TNFSF12: variants seen among roughly 807,000 people sequenced by gnomAD.
The protein encoded by TNFSF12 is tumor necrosis factor ligand superfamily member 12.
A neutral mutation model predicts 31.2 loss-of-function variants in TNFSF12; 16 were observed. That is an observed-to-expected ratio of 0.51 (90% CI 0.35 to 0.78). The LOEUF is 0.78. TNFSF12 is among the 30% of genes least tolerant of loss of function. The pLI is 0.01. For missense variants in TNFSF12, 324 were observed against 338.8 expected, an observed-to-expected ratio of 0.96 and a Z score of 0.34; for synonymous variants, 150 against 151.4, an observed-to-expected ratio of 0.99 and a Z score of 0.07.
chr17:7,549,186 GCGC>G lies in TNFSF12; in HGVS notation c.36_38del (p.Arg13del). 7.7e-7 allele frequency: 1 copy of G among 1,303,768 alleles called. No homozygotes were observed. Among genetic ancestry groups the G allele is most frequent in the African/African-American group, 1.5e-5 (1 of 64,814 alleles). The allele number at this position is 1,303,768 out of a possible 1,614,324, so 80.8% of individuals were successfully genotyped here. ...CCCGTCGGAGCCAGAGGCGGAGGGGGCGCCGGGGGGAGCCGGGCACCGCCCTGC... is the reference window on the plus strand; with the variant it reads ...CCCGTCGGAGCCAGAGGCGGAGGGGGCGGGGGGAGCCGGGCACCGCCCTGC... On this transcript the variant is annotated inframe_deletion, in exon 1 of 7. Coordinates refer to ENST00000293825, the MANE Select transcript of TNFSF12 (RefSeq NM_003809.3). This position sits in a 1 kb window ranked among gnomAD's most constrained non-coding sequence, Gnocchi z 4.1.
In TNFSF12 at chr17:7,550,818, A is replaced by G; in HGVS notation, c.303A>G (p.Thr101=). ...CCTCAGCACCTAAAGGCCGGAAAAC[A>G]CGGGCTCGAAGAGCGATCGCAGCCC... ...PRRSAPKGRK[T]RARRAIAAHY... Residue 101 remains threonine, a synonymous_variant, in exon 4 of 7, where the codon ACA becomes ACG. Transcript: ENST00000293825. The surrounding 1 kb of genome is among the most constrained non-coding windows in gnomAD (Gnocchi z 4.4). The G allele has an allele frequency of 6.2e-7, 1 of 1,611,814 alleles. No homozygotes were observed. The highest frequency in any genetic ancestry group is 8.5e-7 in the Non-Finnish European group (1 of 1,178,138).
In TNFSF12 at chr17:7,557,765, G is replaced by T; in HGVS notation, c.*415G>T. The T allele has an allele frequency of 5.6e-6, 1 of 178,904 alleles. No individual in the cohort carries two copies. The highest frequency in any genetic ancestry group is 1.2e-5 in the Non-Finnish European group (1 of 85,956). The allele number at this position is 178,904 out of a possible 1,614,324, so 11.1% of individuals were successfully genotyped here. Reference sequence around the variant, plus strand: ...GGGCCTAGGCCAGGAGTTCCCAAATGTGAGGGGCGAGAAACAAGACAAGCT... The same window carrying T: ...GGGCCTAGGCCAGGAGTTCCCAAATTTGAGGGGCGAGAAACAAGACAAGCT... On this transcript the variant is annotated 3_prime_UTR_variant, in exon 7 of 7. Transcript: ENST00000293825. This position sits in a 1 kb window ranked among gnomAD's most constrained non-coding sequence, Gnocchi z 5.2.
rs1463259779 is a variant in TNFSF12, at chr17:7,550,838, C to T, written c.323C>T (p.Ala108Val). The change falls in exon 4 of 7, where the codon GCA (alanine) becomes GTA (valine). Residue 108 changes from alanine (A) to valine (V), a missense_variant. Physicochemically the swap from Ala to Val is moderately conservative, Grantham distance 64. Transcript: ENST00000293825. This position sits in a 1 kb window ranked among gnomAD's most constrained non-coding sequence, Gnocchi z 4.4. ...GRKTRARRAI[A>V]AHYEVHPRPG... is the part of the protein sequence containing the mutation. The stretch of plus-strand genomic sequence containing the variant: ...AAAACACGGGCTCGAAGAGCGATCG[C>T]AGCCCATTATGAAGGTGGGTGATGG... The T allele has an allele frequency of 8.7e-6, 14 of 1,612,730 alleles. No homozygotes were observed. The highest frequency in any genetic ancestry group is 2.2e-5 in the South Asian group (2 of 91,040).
intron 5 of TNFSF12, among the ~76,000 whole-genome samples, chr17:7,554,471 G>T (rs373834499): frequency 6.6e-6 from 1 of 151,016 alleles, no homozygotes; most frequent in Non-Finnish European, 1.5e-5. Context: ...CCGCCACCAC[G>T]CCTGGCTAAT....
Position 7,549,727 on chromosome 17 carries a change from C to T in TNFSF12, c.207+206C>T. 1 of 847,106 alleles carries T rather than the reference C, an allele frequency of 1.2e-6. No individual in the cohort carries two copies. Among genetic ancestry groups the T allele is most frequent in the African/African-American group, 1.7e-5 (1 of 58,748 alleles). The allele number at this position is 847,106 out of a possible 1,614,324, so 52.5% of individuals were successfully genotyped here. A position where few individuals can be genotyped will look rare whatever the true frequency, so the allele number is the denominator to read the frequency against. On this transcript the variant is annotated intron_variant, in intron 2 of 6. Coordinates refer to ENST00000293825, the MANE Select transcript of TNFSF12 (RefSeq NM_003809.3). This position sits in a 1 kb window ranked among gnomAD's most constrained non-coding sequence, Gnocchi z 4.1. Reference sequence around the variant, plus strand: ...AGGGGTTTGTGCTGGGGTTGTGCCACCTGAGTCTGAGGTGTTTATTGGCTG... The same window carrying T: ...AGGGGTTTGTGCTGGGGTTGTGCCATCTGAGTCTGAGGTGTTTATTGGCTG...
intron 5 of TNFSF12, among the ~76,000 whole-genome samples, chr17:7,551,854 C>T (rs979805529): frequency 3.9e-5 from 6 of 152,298 alleles, no homozygotes; most frequent in Admixed American, 3.3e-4. Flanking sequence ...GTGGTGCAAT[C>T]TCGGCTTACT....
Position 7,550,740 on chromosome 17 carries a change from G to C in TNFSF12, c.284-59G>C. On this transcript the variant is annotated intron_variant, in intron 3 of 6. Transcript: ENST00000293825. The surrounding 1 kb of genome is among the most constrained non-coding windows in gnomAD (Gnocchi z 4.4). ...CTGAGAGGGGAATGGGGCTGGGAGAGTTGCTCTGGGACCCCCACTAGGGCC... is the reference window on the plus strand; with the variant it reads ...CTGAGAGGGGAATGGGGCTGGGAGACTTGCTCTGGGACCCCCACTAGGGCC... 6.3e-7 allele frequency: 1 copy of C among 1,581,688 alleles called. No homozygotes were observed. The highest frequency in any genetic ancestry group is 8.6e-7 in the Non-Finnish European group (1 of 1,156,204).
intron 5 of TNFSF12, among the ~76,000 whole-genome samples, chr17:7,553,344 C>T (rs529477107): frequency 1.3e-5 from 2 of 152,058 alleles, no homozygotes; most frequent in South Asian, 4.1e-4. Flanking sequence ...CCACTGCACC[C>T]GGCCTAGGAC....
chr17:7,555,089 G>A (rs939294234), intron 5 of TNFSF12, among the ~76,000 whole-genome samples: 1 of 152,018 alleles, frequency 6.6e-6, no homozygotes, highest in African/African-American at 2.4e-5. Flanking sequence ...GGAGGCTGCA[G>A]TGAGCCGAGA....
Position 7,549,091 on chromosome 17 carries a change from C to G in TNFSF12, c.-63C>G. ...GGCCCGATCCGCCCGCCGGCTCCCCCTCCCCCGATCCCTCGGGTCCCGGGA... is the reference window on the plus strand; with the variant it reads ...GGCCCGATCCGCCCGCCGGCTCCCCGTCCCCCGATCCCTCGGGTCCCGGGA... On this transcript the variant is annotated 5_prime_UTR_variant, in exon 1 of 7. Coordinates refer to ENST00000293825, the MANE Select transcript of TNFSF12 (RefSeq NM_003809.3). This position sits in a 1 kb window ranked among gnomAD's most constrained non-coding sequence, Gnocchi z 4.1. 1 of 1,229,882 alleles carries G rather than the reference C, an allele frequency of 8.1e-7. No individual in the cohort carries two copies. Among genetic ancestry groups the G allele is most frequent in the Non-Finnish European group, 1.0e-6 (1 of 984,996 alleles). The allele number at this position is 1,229,882 out of a possible 1,614,324, so 76.2% of individuals were successfully genotyped here. A position where few individuals can be genotyped will look rare whatever the true frequency, so the allele number is the denominator to read the frequency against.
chr17:7,549,333 C>A lies in TNFSF12; in HGVS notation c.159+21C>A, dbSNP rs1340711331. The A allele has an allele frequency of 2.1e-6, 3 of 1,399,678 alleles. No individual in the cohort carries two copies. The highest frequency in any genetic ancestry group is 1.9e-6 in the Non-Finnish European group (2 of 1,070,604). 86.7% of individuals were successfully genotyped at this position (1,399,678 alleles called of 1,614,324 possible). On this transcript the variant is annotated intron_variant, in intron 1 of 6. Transcript: ENST00000293825. The surrounding 1 kb of genome is among the most constrained non-coding windows in gnomAD (Gnocchi z 4.1). ...CCCAGGTGAGGCCCCGCTGCGCACC[C>A]CTTCTTGGGCACATCAGGAGCTGAG...
Position 7,549,750 on chromosome 17 carries a change from C to T in TNFSF12, c.207+229C>T. The T allele has an allele frequency of 4.3e-6, 3 of 690,726 alleles. No homozygotes were observed. The South Asian group carries it at 6.7e-5, about 16-fold the overall frequency. 42.8% of individuals were successfully genotyped at this position (690,726 alleles called of 1,614,324 possible). On this transcript the variant is annotated intron_variant, in intron 2 of 6. Transcript: ENST00000293825. The surrounding 1 kb of genome is among the most constrained non-coding windows in gnomAD (Gnocchi z 4.1). ...CACCTGAGTCTGAGGTGTTTATTGGCTGGGGGTGACGTGGTTGTATAAGAT... is the reference window on the plus strand; with the variant it reads ...CACCTGAGTCTGAGGTGTTTATTGGTTGGGGGTGACGTGGTTGTATAAGAT...
rs962566318 is a variant in TNFSF12, at chr17:7,550,392, C to G, written c.283+197C>G. 2.0e-5 allele frequency among the ~76,000 whole-genome samples: 3 copies of G among 152,192 alleles called. No individual in the cohort carries two copies. The highest frequency in any genetic ancestry group is 7.2e-5 in the African/African-American group (3 of 41,450). The stretch of plus-strand genomic sequence containing the variant: ...GTGCTCCTTCAGACCCTACCCCAAA[C>G]AGGAAGGCAGGGTGGCCATGAGTTA... On this transcript the variant is annotated intron_variant, in intron 3 of 6. Coordinates refer to ENST00000293825, the MANE Select transcript of TNFSF12 (RefSeq NM_003809.3). This position sits in a 1 kb window ranked among gnomAD's most constrained non-coding sequence, Gnocchi z 4.4.
chr17:7,553,065 G>GAA, intron 5 of TNFSF12, among the ~76,000 whole-genome samples: 1 of 46,852 alleles, frequency 2.1e-5, no homozygotes, highest in African/African-American at 1.1e-4. Flanking sequence ...TTTTTTTTGT[G>GAA]ACAGAGTTTC....
Position 7,549,329 on chromosome 17 carries a change from C to A in TNFSF12, c.159+17C>A. The A allele has an allele frequency of 7.1e-7, 1 of 1,400,514 alleles. No homozygotes were observed. Among genetic ancestry groups the A allele is most frequent in the South Asian group, 1.6e-5 (1 of 61,574 alleles). The allele number at this position is 1,400,514 out of a possible 1,614,324, so 86.8% of individuals were successfully genotyped here. A position where few individuals can be genotyped will look rare whatever the true frequency, so the allele number is the denominator to read the frequency against. On this transcript the variant is annotated intron_variant, in intron 1 of 6. Coordinates refer to ENST00000293825, the MANE Select transcript of TNFSF12 (RefSeq NM_003809.3). The surrounding 1 kb of genome is among the most constrained non-coding windows in gnomAD (Gnocchi z 4.1). ...TCCGCCCAGGTGAGGCCCCGCTGCG[C>A]ACCCCTTCTTGGGCACATCAGGAGC...
Position 7,550,159 on chromosome 17 carries a change from C to A in TNFSF12, c.247C>A (p.Pro83Thr). 4 of 1,614,144 alleles carry A rather than the reference C, an allele frequency of 2.5e-6. No homozygotes were observed. The highest frequency in any genetic ancestry group is 2.5e-6 in the Non-Finnish European group (3 of 1,180,034). The change falls in exon 3 of 7, where the codon CCT becomes ACT. Residue 83 changes from proline to threonine, a missense_variant. Coordinates refer to ENST00000293825, the MANE Select transcript of TNFSF12 (RefSeq NM_003809.3). The surrounding 1 kb of genome is among the most constrained non-coding windows in gnomAD (Gnocchi z 4.4). ...GACAGAAGAAAGCCAGGATCCTGCG[C>A]CTTTCCTGAACCGACTAGTTCGGCC... is the stretch of plus-strand genomic sequence containing the variant. ...PQTEESQDPAPFLNRLVRPRR... is the reference protein window; with the variant it reads ...PQTEESQDPATFLNRLVRPRR...
intron 5 of TNFSF12, 116 bp downstream of exon 5, chr17:7,551,094 G>T: frequency 2.6e-6 from 4 of 1,549,122 alleles, no homozygotes; most frequent in Non-Finnish European, 3.5e-6. Flanking sequence ...GCCAGTTCAT[G>T]AAGGTCTTGG....
At position 7,550,971 on chromosome 17, in the gene TNFSF12, G is replaced by C. The variant is rs529570679; in HGVS notation, c.366G>C (p.Ala122=). 3.1e-6 allele frequency: 5 copies of C among 1,613,804 alleles called. No homozygotes were observed. In the African/African-American group the frequency reaches 6.7e-5, roughly 22 times the overall value. Residue 122 remains alanine, a synonymous_variant, in exon 5 of 7, where the codon GCG becomes GCC. Coordinates refer to ENST00000293825, the MANE Select transcript of TNFSF12 (RefSeq NM_003809.3). This position sits in a 1 kb window ranked among gnomAD's most constrained non-coding sequence, Gnocchi z 4.4. ...ATCCACGACCTGGACAGGACGGAGC[G>C]CAGGCAGGTGAGACCCCATCCCCCG... ...EVHPRPGQDG[A]QAGVDGTVSG...
Position 7,550,487 on chromosome 17 carries a change from G to A in TNFSF12, c.283+292G>A, listed in dbSNP as rs1004159152. On this transcript the variant is annotated intron_variant, in intron 3 of 6. Coordinates refer to ENST00000293825, the MANE Select transcript of TNFSF12 (RefSeq NM_003809.3). This position sits in a 1 kb window ranked among gnomAD's most constrained non-coding sequence, Gnocchi z 4.4. ...AGGCCTGGGCCCCGGTAGGCAAAGA[G>A]ACTTAGGAATGGGATGATGGGGTGG... Among the ~76,000 whole-genome samples the A allele has an allele frequency of 3.5e-4, 53 of 152,148 alleles. No individual in the cohort carries two copies. Among genetic ancestry groups the A allele is most frequent in the Non-Finnish European group, 6.5e-4 (44 of 68,042 alleles).
Sources: gnomAD v4.1 joint callset for allele counts (sites outside exome capture counted in the v4.1 genomes callset) on GRCh38, gnomAD v4.1.1 for gene constraint, Gnocchi (gnomAD v3.1) non-coding constraint, MANE v1.5 for transcripts, NCBI Gene and HGNC (gene_info 2026-07-23, HGNC 2026-07-21) for gene names.